The following SUPT3H variants were observed in gnomAD, a reference collection of about 807,000 sequenced individuals.
SUPT3H encodes the protein SPT3 homolog, SAGA and STAGA complex component.
In SUPT3H, 44 loss-of-function variants were observed where a neutral mutation model predicts 44.3. The ratio of observed to expected loss-of-function variants is 0.99; its 90% CI spans 0.78 to 1.28. The LOEUF (loss-of-function observed/expected upper bound fraction) is 1.28. SUPT3H is among the 50% of genes most tolerant of loss of function. The pLI is 0.00. For missense variants in SUPT3H, 380 were observed against 387.1 expected (o/e 0.98, Z 0.15); for synonymous variants, 124 against 125.6 (o/e 0.99, Z 0.09).
intron 7 of SUPT3H, among the ~76,000 whole-genome samples, chr6:44,958,491 G>A (rs1050413012): frequency 2.0e-5 from 3 of 152,112 alleles, no homozygotes; most frequent in African/African-American, 4.8e-5. Context: ...GTTTTCCCTG[G>A]AAACTTCCCT....
intron 2 of SUPT3H, among the ~76,000 whole-genome samples, chr6:45,216,179 AGGAAGTAAAAGGATGGTAACTACCATCT>A (rs769547366): frequency 0.076 from 9,581 of 126,306 alleles, 990 homozygotes; most frequent in African/African-American, 0.26. Context: ...GAAATGCTTA[AGGAAGTAAAAGGATGGTAACTACCATCT>A]GGAAGTAAAA....
chr6:45,125,075 T>A (rs1802235787), intron 2 of SUPT3H, among the ~76,000 whole-genome samples: 1 of 152,158 alleles, frequency 6.6e-6, no homozygotes, highest in South Asian at 2.1e-4. Context: ...TCTAGAGCCT[T>A]CAGAGAACAA....
At position 44,957,594 on chromosome 6, in the gene SUPT3H, A is replaced by G. The variant is rs546871810; in HGVS notation, c.581-2987T>C. ...CTCTAAACAGTTGATTTTAAAAGTG[A>G]GGGAAAGGATCATTATTAATATTCA... On this transcript the variant is annotated intron_variant, in intron 7 of 10. Transcript: ENST00000371459. 5.0e-3 allele frequency among the ~76,000 whole-genome samples: 762 copies of G among 152,186 alleles called. 5 individuals are homozygous for G. The highest frequency in any genetic ancestry group is 9.2e-3 in the Non-Finnish European group (624 of 67,998).
chr6:44,844,922 CA>C (rs1771614260), intron 10 of SUPT3H, among the ~76,000 whole-genome samples: 1 of 152,014 alleles, frequency 6.6e-6, no homozygotes, highest in Non-Finnish European at 1.5e-5. Flanking sequence ...AATAAAACAA[CA>C]AAACCCCCCC....
At chr6:45,351,008 T>C (rs1281529636) in intron 2 of SUPT3H, among the ~76,000 whole-genome samples, 1 of 152,080 alleles carries the variant, frequency 6.6e-6, no homozygotes, top group Non-Finnish European at 1.5e-5. Flanking sequence ...GGATCTAAGT[T>C]CTGCGCTCCT....
chr6:45,346,567 C>CTTTTTTTTTTTTTTTTTTT (rs71745024), intron 2 of SUPT3H, among the ~76,000 whole-genome samples: 1 of 140,430 alleles, frequency 7.1e-6, no homozygotes, highest in African/African-American at 2.6e-5. Context: ...ATAAACATTT[C>CTTTTTTTTTTTTTTTTTTT]TTTTTTTTTT....
intron 2 of SUPT3H, among the ~76,000 whole-genome samples, chr6:45,199,925 T>C (rs1762213672): frequency 6.6e-6 from 1 of 151,346 alleles, no homozygotes; most frequent in Non-Finnish European, 1.5e-5. Context: ...CTGACAAGAA[T>C]TTTTCTGTTC....
At chr6:45,005,481 T>C (rs1782582512) in intron 5 of SUPT3H, among the ~76,000 whole-genome samples, 1 of 152,282 alleles carries the variant, frequency 6.6e-6, no homozygotes, top group East Asian at 1.9e-4. Context: ...GGCTCACGCC[T>C]GTAATCCCAG....
Position 44,961,752 on chromosome 6 carries a change from C to T in SUPT3H, c.580+1G>A, listed in dbSNP as rs533336006. ...TTAAGCAAAGTTAAATAGTTACTTA[C>T]AGAAACTTAATTGTCGACTTTCACA... On this transcript the variant is annotated splice_donor_variant, in intron 7 of 10. Transcript: ENST00000371459. LOFTEE classifies it high-confidence loss of function. The T allele has an allele frequency of 5.6e-6, 9 of 1,604,016 alleles. No individual in the cohort carries two copies. The Admixed American group carries it at 1.6e-4, about 28-fold the overall frequency.
chr6:44,855,948 T>C (rs1773649399), intron 10 of SUPT3H, among the ~76,000 whole-genome samples: 1 of 152,196 alleles, frequency 6.6e-6, no homozygotes, highest in Admixed American at 6.5e-5. Context: ...AATATGACTG[T>C]TCCCAGAGGA....
chr6:45,299,209 C>T (rs1403620582), intron 2 of SUPT3H, among the ~76,000 whole-genome samples: 2 of 151,548 alleles, frequency 1.3e-5, no homozygotes, highest in Non-Finnish European at 2.9e-5. Flanking sequence ...AAAAATTAGC[C>T]GGATGTGATG....
chr6:45,374,543 TATA>T (rs1434959330), intron 1 of SUPT3H, among the ~76,000 whole-genome samples: 3 of 152,194 alleles, frequency 2.0e-5, no homozygotes, highest in African/African-American at 7.2e-5. Flanking sequence ...ATAAACTTAA[TATA>T]ATAATGCATA....
At chr6:45,124,474 C>T (rs537249231) in intron 2 of SUPT3H, among the ~76,000 whole-genome samples, 43 of 151,304 alleles carry the variant, frequency 2.8e-4, no homozygotes, top group Admixed American at 7.2e-4. Flanking sequence ...TGAAACCCCC[C>T]CCTCTACTAA....
chr6:45,204,238 T>C (rs1199563947), intron 2 of SUPT3H, among the ~76,000 whole-genome samples: 3 of 41,922 alleles, frequency 7.2e-5, no homozygotes, highest in East Asian at 1.5e-3. Flanking sequence ...CAGAGCAAGA[T>C]TCCGTCTCAA....
At position 45,032,619 on chromosome 6, in the gene SUPT3H, G is replaced by A. The variant is rs566959600; in HGVS notation, c.187-11987C>T. On this transcript the variant is annotated intron_variant, in intron 3 of 10. Transcript: ENST00000371459. ...CATCAGGATAAAATGGTACAATTAC[G>A]CAACACTCATACAGTTACATTCTAA... Among the ~76,000 whole-genome samples, 68 of 152,212 alleles carry A rather than the reference G, an allele frequency of 4.5e-4. No homozygotes were observed. The East Asian group carries it at 5.2e-3, about 12-fold the overall frequency.
chr6:45,016,424 C>G (rs1478448481), intron 4 of SUPT3H, among the ~76,000 whole-genome samples: 3 of 150,860 alleles, frequency 2.0e-5, no homozygotes, highest in Admixed American at 2.0e-4. Flanking sequence ...TATACATGTG[C>G]CATGCTGGTG....
At chr6:44,983,053 T>G (rs1779318967) in intron 6 of SUPT3H, among the ~76,000 whole-genome samples, 1 of 152,208 alleles carries the variant, frequency 6.6e-6, no homozygotes, top group South Asian at 2.1e-4. Context: ...TAGTTGTTTT[T>G]GAGAGAAGTA....
At chr6:44,984,167 G>A (rs1034316041) in intron 6 of SUPT3H, among the ~76,000 whole-genome samples, 3 of 152,062 alleles carry the variant, frequency 2.0e-5, no homozygotes, top group South Asian at 2.1e-4. Context: ...GCCTTCTAGC[G>A]ATGGTGCCAA....
intron 2 of SUPT3H, among the ~76,000 whole-genome samples, chr6:45,117,455 T>C (rs947053213): frequency 2.0e-5 from 3 of 152,132 alleles, no homozygotes; most frequent in Non-Finnish European, 4.4e-5. Flanking sequence ...CTAATAATTA[T>C]AGATTCCAAA....
Sources: gnomAD v4.1 joint callset for allele counts (sites outside exome capture counted in the v4.1 genomes callset) on GRCh38, gnomAD v4.1.1 for gene constraint, MANE v1.5 for transcripts, NCBI Gene and HGNC (gene_info 2026-07-23, HGNC 2026-07-21) for gene names.